UBE2G2: variants seen among roughly 807,000 people sequenced by gnomAD.
The protein encoded by UBE2G2 is ubiquitin conjugating enzyme E2 G2.
UBE2G2 carries 10 observed loss-of-function variants against 23.0 expected under a neutral mutation model. That is an observed-to-expected ratio of 0.43 (90% confidence interval 0.27 to 0.74). The LOEUF (loss-of-function observed/expected upper bound fraction) is 0.74. Ranked by LOEUF, UBE2G2 falls within the 30% of genes least tolerant of loss-of-function variation. The pLI, the probability that UBE2G2 is intolerant of heterozygous loss-of-function variation, is 0.19. For synonymous variants in UBE2G2, 86 were observed against 81.3 expected (o/e 1.06, Z -0.31); for missense variants, 150 against 218.3 (o/e 0.69, Z 1.97).
At chr21:44,780,690 C>G (rs1304677819) in intron 3 of UBE2G2, among the ~76,000 whole-genome samples, 2 of 152,166 alleles carry the variant, frequency 1.3e-5, no homozygotes, top group African/African-American at 2.4e-5. Context: ...ACACCCATGG[C>G]CTACTCCTGA....
chr21:44,778,910 G>A (rs371258266), intron 3 of UBE2G2, among the ~76,000 whole-genome samples: 1 of 152,204 alleles, frequency 6.6e-6, no homozygotes, highest in East Asian at 1.9e-4. Flanking sequence ...CAGACCTACT[G>A]CCTTCAGAAA....
At chr21:44,779,875 T>G (rs1281196207) in intron 3 of UBE2G2, among the ~76,000 whole-genome samples, 3 of 152,188 alleles carry the variant, frequency 2.0e-5, no homozygotes, top group African/African-American at 7.2e-5. Context: ...CAGTTCAAAC[T>G]GCGAAATCAG....
At chr21:44,784,529 A>G (rs1464029690) in intron 3 of UBE2G2, among the ~76,000 whole-genome samples, 2 of 152,198 alleles carry the variant, frequency 1.3e-5, no homozygotes, top group Non-Finnish European at 2.9e-5. Flanking sequence ...ATAAACACCT[A>G]TTTTATTATC....
chr21:44,787,803 G>T, intron 3 of UBE2G2, 117 bp downstream of exon 3: 1 of 1,161,380 alleles, frequency 8.6e-7, no homozygotes, highest in Non-Finnish European at 1.2e-6. Flanking sequence ...GGGCATTACT[G>T]GAGAACTCAG....
At chr21:44,776,668 C>T (rs1184041519) in intron 4 of UBE2G2, among the ~76,000 whole-genome samples, 2 of 152,154 alleles carry the variant, frequency 1.3e-5, no homozygotes, top group Admixed American at 6.5e-5. Context: ...ACATCTTTCC[C>T]GTGCTGTTCT....
At chr21:44,798,722 GT>G (rs1481635889) in intron 1 of UBE2G2, among the ~76,000 whole-genome samples, 2 of 152,162 alleles carry the variant, frequency 1.3e-5, no homozygotes, top group Non-Finnish European at 2.9e-5. Flanking sequence ...CACACCTGCA[GT>G]TGCTTCCTCC....
rs782372228 is a variant in UBE2G2, at chr21:44,788,057, T to C, written c.79+3A>G. 3 of 1,611,692 alleles carry C rather than the reference T, an allele frequency of 1.9e-6. No homozygotes were observed. The highest frequency in any genetic ancestry group is 2.5e-6 in the Non-Finnish European group (3 of 1,178,944). On this transcript the variant is annotated splice_donor_region_variant and intron_variant, in intron 2 of 5. Coordinates refer to ENST00000345496, the MANE Select transcript of UBE2G2 (RefSeq NM_003343.6). ...TATAAGGAAGTTAACTTTGGTACCT[T>C]ACCTGCTACAATTCCTTCCGGAGGA... is the stretch of plus-strand genomic sequence containing the variant.
In UBE2G2 at chr21:44,769,774, A is replaced by T. The variant is rs1175003757; in HGVS notation, c.*1603T>A. 1.1e-4 allele frequency: 17 copies of T among 152,238 alleles called. No homozygotes were observed. Among genetic ancestry groups the T allele is most frequent in the African/African-American group, 3.6e-4 (15 of 41,424 alleles). 9.4% of individuals were successfully genotyped at this position (152,238 alleles called of 1,614,324 possible). A position where few individuals can be genotyped will look rare whatever the true frequency, so the allele number is the denominator to read the frequency against. On this transcript the variant is annotated 3_prime_UTR_variant, in exon 6 of 6. Coordinates refer to ENST00000345496, the MANE Select transcript of UBE2G2 (RefSeq NM_003343.6). ...CTTCAACCAGAAACTGTCACCCATG[A>T]CACTCTGTGTGGGTTCAGTCACACA...
chr21:44,774,650 G>A (rs1555960343), intron 4 of UBE2G2: 2 of 449,148 alleles, frequency 4.5e-6, no homozygotes, highest in Non-Finnish European at 4.5e-6. Flanking sequence ...AGTGGTGAAC[G>A]CTCTACTATC....
chr21:44,771,629 G>T lies in UBE2G2; in HGVS notation c.386-140C>A, dbSNP rs2082875823. ...AAACAAAGAACCTGAGAACTGCATG[G>T]GGTCGGCCCCACCTCTAGAGTGCTG... On this transcript the variant is annotated intron_variant, in intron 5 of 5. Transcript: ENST00000345496. This position sits in a 1 kb window ranked among gnomAD's most constrained non-coding sequence, Gnocchi z 4.6. The T allele has an allele frequency of 4.6e-6, 4 of 875,852 alleles. No individual in the cohort carries two copies. In the Admixed American group the frequency reaches 9.0e-5, roughly 20 times the overall value. 54.3% of individuals were successfully genotyped at this position (875,852 alleles called of 1,614,324 possible).
intron 4 of UBE2G2, among the ~76,000 whole-genome samples, chr21:44,775,941 C>A (rs1304809262): frequency 6.6e-6 from 1 of 152,204 alleles, no homozygotes; most frequent in Non-Finnish European, 1.5e-5. Flanking sequence ...TTCTGAGCAT[C>A]CCCTGTGCAC....
chr21:44,794,548 T>C (rs2083070732), intron 1 of UBE2G2, among the ~76,000 whole-genome samples: 1 of 151,446 alleles, frequency 6.6e-6, no homozygotes, highest in Non-Finnish European at 1.5e-5. Context: ...TTTTTTTTTT[T>C]TTTTGAGACG....
Position 44,770,784 on chromosome 21 carries a change from C to A in UBE2G2, c.*593G>T, listed in dbSNP as rs2082867182. ...AATTCACACTTCAAAAAAGCATTTC[C>A]TGGAAGTATTTCTAAGTGTGATGGT... is the stretch of plus-strand genomic sequence containing the variant. On this transcript the variant is annotated 3_prime_UTR_variant, in exon 6 of 6. Transcript: ENST00000345496. 1 of 152,158 alleles carries A rather than the reference C, an allele frequency of 6.6e-6. No individual in the cohort carries two copies. Among genetic ancestry groups the A allele is most frequent in the East Asian group, 1.9e-4 (1 of 5,200 alleles). 9.4% of individuals were successfully genotyped at this position (152,158 alleles called of 1,614,324 possible).
chr21:44,777,019 AC>A, intron 4 of UBE2G2: 1 of 357,466 alleles, frequency 2.8e-6, no homozygotes, highest in South Asian at 3.5e-5. Context: ...CTGAGCACAC[AC>A]CCATGTGTAA....
Position 44,796,969 on chromosome 21 carries a change from C to T in UBE2G2, c.43+4737G>A, listed in dbSNP as rs115521695. ...CCTGCCTTCACTGACTGCTTTTGAG[C>T]CTTATGTTATTATTGGATCCTTCAC... On this transcript the variant is annotated intron_variant, in intron 1 of 5. Transcript: ENST00000345496. Among the ~76,000 whole-genome samples the T allele has an allele frequency of 1.1e-3, 170 of 152,310 alleles. 1 individual carries two copies. The highest frequency in any genetic ancestry group is 3.8e-3 in the African/African-American group (159 of 41,570).
At chr21:44,774,611 C>T (rs1290614865) in intron 4 of UBE2G2, 2 of 392,014 alleles carry the variant, frequency 5.1e-6, no homozygotes, top group East Asian at 9.1e-5. Flanking sequence ...TGTGTTTCCA[C>T]TCATCCATTG....
Position 44,789,562 on chromosome 21 carries a change from G to A in UBE2G2, c.44-1467C>T, listed in dbSNP as rs548004724. On this transcript the variant is annotated intron_variant, in intron 1 of 5. Coordinates refer to ENST00000345496, the MANE Select transcript of UBE2G2 (RefSeq NM_003343.6). Reference sequence around the variant, plus strand: ...TACCAACAGAGACCCTGACTCGAGGGAACACAGAGCTATGGCCCAGAGGCA... The same window carrying A: ...TACCAACAGAGACCCTGACTCGAGGAAACACAGAGCTATGGCCCAGAGGCA... Among the ~76,000 whole-genome samples, 4 of 151,996 alleles carry A rather than the reference G, an allele frequency of 2.6e-5. No individual in the cohort carries two copies. In the South Asian group the frequency reaches 8.3e-4, roughly 32 times the overall value.
intron 1 of UBE2G2, chr21:44,800,137 C>G (rs2083123509): frequency 2.6e-5 from 4 of 152,122 alleles, no homozygotes; most frequent in Admixed American, 2.6e-4. Flanking sequence ...ACGAAGCGAG[C>G]AAAAATGGTG....
Position 44,801,788 on chromosome 21 carries a change from G to T in UBE2G2, c.-40C>A. 2 of 1,503,978 alleles carry T rather than the reference G, an allele frequency of 1.3e-6. No individual in the cohort carries two copies. Among genetic ancestry groups the T allele is most frequent in the Non-Finnish European group, 1.8e-6 (2 of 1,130,180 alleles). The allele number at this position is 1,503,978 out of a possible 1,614,324, so 93.2% of individuals were successfully genotyped here. On this transcript the variant is annotated 5_prime_UTR_variant, in exon 1 of 6. Transcript: ENST00000345496. The stretch of plus-strand genomic sequence containing the variant: ...TGCGCCGAGCGACCTCGCCTCAGCC[G>T]CGCGCGTGCCTCCTGCCCCGACACC...
Sources: allele counts gnomAD v4.1 joint callset (sites outside exome capture counted in the v4.1 genomes callset), GRCh38; gene constraint gnomAD v4.1.1; non-coding constraint Gnocchi (gnomAD v3.1); transcripts MANE v1.5; gene names NCBI Gene and HGNC (gene_info 2026-07-23, HGNC 2026-07-21).